Variants in ANGPT1 observed in about 807,000 individuals in gnomAD.
ANGPT1 encodes the protein angiopoietin-1.
ANGPT1 carries 17 observed loss-of-function variants against 62.2 expected under a neutral mutation model. The ratio of observed to expected loss-of-function variants is 0.27; its 90% CI spans 0.19 to 0.41. The LOEUF (loss-of-function observed/expected upper bound fraction) is 0.41, where lower values mean the gene tolerates loss of function less well. Among genes scored for constraint, ANGPT1 ranks in the 10% least tolerant of loss-of-function variants. The pLI is 1.00. For missense variants in ANGPT1, 478 were observed against 594.9 expected (o/e 0.80, Z 2.04); for synonymous variants, 199 against 198.9 (o/e 1.00, Z 0.00).
intron 1 of ANGPT1, among the ~76,000 whole-genome samples, chr8:107,383,905 G>T (rs1198486000): frequency 6.6e-6 from 1 of 152,046 alleles, no homozygotes. Context: ...CCTCCCTATA[G>T]TACCTCACCT....
At chr8:107,423,172 T>C (rs1437724205) in intron 1 of ANGPT1, among the ~76,000 whole-genome samples, 4 of 152,184 alleles carry the variant, frequency 2.6e-5, no homozygotes, top group African/African-American at 7.2e-5. Context: ...ATTTACACCA[T>C]GAAAACTGAC....
chr8:107,295,387 A>G (rs1814388331), intron 5 of ANGPT1: 1 of 152,138 alleles, frequency 6.6e-6, no homozygotes, highest in Admixed American at 6.6e-5. Flanking sequence ...CTCGAGCTAC[A>G]CTTTTATTTT....
At chr8:107,317,450 G>A (rs1815040359) in intron 4 of ANGPT1, among the ~76,000 whole-genome samples, 1 of 152,040 alleles carries the variant, frequency 6.6e-6, no homozygotes. Flanking sequence ...GACTATGTAA[G>A]TTTATAATAC....
chr8:107,358,477 C>T (rs1282831743), intron 1 of ANGPT1, among the ~76,000 whole-genome samples: 1 of 152,022 alleles, frequency 6.6e-6, no homozygotes, highest in Non-Finnish European at 1.5e-5. Context: ...TGTTACATCC[C>T]AAGTGCTATT....
At chr8:107,277,190 G>A (rs1037392943) in intron 7 of ANGPT1, among the ~76,000 whole-genome samples, 12 of 152,050 alleles carry the variant, frequency 7.9e-5, no homozygotes, top group African/African-American at 2.9e-4. Flanking sequence ...TGTGACAGAG[G>A]ATTTACTAAT....
chr8:107,443,536 C>A (rs932128926), intron 1 of ANGPT1, among the ~76,000 whole-genome samples: 3 of 151,564 alleles, frequency 2.0e-5, no homozygotes, highest in Non-Finnish European at 4.4e-5. Context: ...CGGCCGGGTG[C>A]GGTGGCTCAC....
At chr8:107,275,679 T>C (rs1813847894) in intron 7 of ANGPT1, among the ~76,000 whole-genome samples, 1 of 152,152 alleles carries the variant, frequency 6.6e-6, no homozygotes, top group East Asian at 1.9e-4. Context: ...TCTGTGGACA[T>C]TTTATCCTAG....
intron 1 of ANGPT1, among the ~76,000 whole-genome samples, chr8:107,393,788 C>T (rs947433157): frequency 1.2e-4 from 18 of 152,074 alleles, no homozygotes; most frequent in African/African-American, 1.2e-4. Context: ...CCAGCCTGGG[C>T]GGCTGGACGA....
chr8:107,465,480 C>T (rs1812176332), intron 1 of ANGPT1, among the ~76,000 whole-genome samples: 1 of 152,064 alleles, frequency 6.6e-6, no homozygotes, highest in Non-Finnish European at 1.5e-5. Flanking sequence ...TATTTTCATG[C>T]ACTTTGATTG....
chr8:107,325,658 A>G (rs933314212), intron 3 of ANGPT1, among the ~76,000 whole-genome samples: 1 of 152,186 alleles, frequency 6.6e-6, no homozygotes, highest in Middle Eastern at 3.2e-3. Flanking sequence ...ATATAAAATG[A>G]CACTATTCTT....
chr8:107,448,198 C>T (rs1811668995), intron 1 of ANGPT1, among the ~76,000 whole-genome samples: 1 of 152,160 alleles, frequency 6.6e-6, no homozygotes, highest in Non-Finnish European at 1.5e-5. Flanking sequence ...TAAGGACTTA[C>T]TTAAATACAT....
chr8:107,346,973 T>A lies in ANGPT1; in HGVS notation c.422A>T (p.Gln141Leu). 1 of 1,613,278 alleles carries A rather than the reference T, an allele frequency of 6.2e-7. No individual in the cohort carries two copies. The highest frequency in any genetic ancestry group is 8.5e-7 in the Non-Finnish European group (1 of 1,179,472). The stretch of plus-strand genomic sequence containing the variant: ...CTCAACATCTGTCAGCTTTCTGGTC[T>A]GCTCTGCAGTCTGAGAGAGGAGGCT... ...GTSLLSQTAEQTRKLTDVETQ... is the reference protein window; with the variant it reads ...GTSLLSQTAELTRKLTDVETQ... The change falls in exon 2 of 9, where the codon CAG (glutamine) becomes CTG (leucine). Residue 141 changes from glutamine to leucine, a missense_variant. Physicochemically the swap from Gln to Leu is moderately radical, Grantham distance 113. Around this residue, in one of 4 missense-constraint regions of ANGPT1, gnomAD observed 343 missense variants for 355.4 expected, o/e 0.97. Transcript: ENST00000517746.
At chr8:107,291,536 C>A (rs962247815) in intron 6 of ANGPT1, among the ~76,000 whole-genome samples, 26 of 151,968 alleles carry the variant, frequency 1.7e-4, no homozygotes, top group African/African-American at 6.3e-4. Flanking sequence ...CTCAGCCTCC[C>A]AAGTAGCTGG....
At chr8:107,387,134 C>T (rs887553736) in intron 1 of ANGPT1, among the ~76,000 whole-genome samples, 8 of 151,970 alleles carry the variant, frequency 5.3e-5, no homozygotes, top group East Asian at 1.9e-4. Context: ...CCTAAGTAGT[C>T]GGGAAAGGCT....
intron 3 of ANGPT1, among the ~76,000 whole-genome samples, chr8:107,331,691 G>GT (rs1815425005): frequency 6.6e-6 from 1 of 152,126 alleles, no homozygotes; most frequent in Non-Finnish European, 1.5e-5. Context: ...ATTGGAAATA[G>GT]TAAGTTAAAG....
At chr8:107,459,301 G>A (rs1178720686) in intron 1 of ANGPT1, among the ~76,000 whole-genome samples, 1 of 152,116 alleles carries the variant, frequency 6.6e-6, no homozygotes, top group Non-Finnish European at 1.5e-5. Context: ...TGTAATCCTA[G>A]TACTTTGGGA....
intron 1 of ANGPT1, among the ~76,000 whole-genome samples, chr8:107,474,043 T>C (rs1444616789): frequency 1.3e-5 from 2 of 152,070 alleles, no homozygotes; most frequent in East Asian, 1.9e-4. Context: ...TCTGAAACTA[T>C]TCTAAACAAC....
At chr8:107,467,526 T>C (rs1812235307) in intron 1 of ANGPT1, among the ~76,000 whole-genome samples, 2 of 152,074 alleles carry the variant, frequency 1.3e-5, no homozygotes, top group Admixed American at 1.3e-4. Flanking sequence ...GGGGACTTAA[T>C]TGGGATTTTA....
chr8:107,470,732 C>T (rs1195717458), intron 1 of ANGPT1, among the ~76,000 whole-genome samples: 2 of 151,980 alleles, frequency 1.3e-5, no homozygotes, highest in Admixed American at 6.6e-5. Context: ...AAAAAGTGGG[C>T]AAAGGATATG....
Sources: gnomAD v4.1 joint callset for allele counts (sites outside exome capture counted in the v4.1 genomes callset) on GRCh38, gnomAD v4.1.1 for gene constraint, gnomAD v4.1.1 regional missense constraint, MANE v1.5 for transcripts, NCBI Gene and HGNC (gene_info 2026-07-23, HGNC 2026-07-21) for gene names.